SFRP1: variants seen among roughly 807,000 people sequenced by gnomAD.
SFRP1 encodes the protein secreted frizzled-related protein 1.
In SFRP1, 9 loss-of-function variants were observed where a neutral mutation model predicts 25.9. That is an observed-to-expected ratio of 0.35 (90% confidence interval 0.21 to 0.61). The LOEUF (loss-of-function observed/expected upper bound fraction) is 0.61, where lower values mean the gene tolerates loss of function less well. Among genes scored for constraint, SFRP1 ranks in the 20% least tolerant of loss-of-function variants. SFRP1 has a pLI of 0.78. For missense variants in SFRP1, 346 were observed against 418.2 expected, an observed-to-expected ratio of 0.83 and a Z score of 1.51; for synonymous variants, 178 against 174.0, an observed-to-expected ratio of 1.02 and a Z score of -0.18.
intron 2 of SFRP1, among the ~76,000 whole-genome samples, chr8:41,288,282 A>G (rs1380505675): frequency 6.6e-6 from 1 of 152,060 alleles, no homozygotes; most frequent in African/African-American, 2.4e-5. Context: ...ACTTGAACCC[A>G]GGAGGCAGAG....
chr8:41,284,488 C>T lies in SFRP1; in HGVS notation c.622+18973G>A, dbSNP rs1024142442. ...CTGGTGGCTCTGTGATGGCTGAGAG[C>T]GTCAGCAGGGACCCTCAGTCTGGCA... On this transcript the variant is annotated intron_variant, in intron 2 of 2. Coordinates refer to ENST00000220772, the MANE Select transcript of SFRP1 (RefSeq NM_003012.5). Among the ~76,000 whole-genome samples, 5 of 151,942 alleles carry T rather than the reference C, an allele frequency of 3.3e-5. No individual in the cohort carries two copies. In the East Asian group the frequency reaches 5.9e-4, roughly 18 times the overall value.
intron 2 of SFRP1, among the ~76,000 whole-genome samples, chr8:41,294,290 G>A (rs1039345538): frequency 5.9e-5 from 9 of 152,162 alleles, no homozygotes; most frequent in Non-Finnish European, 1.3e-4. Flanking sequence ...ATTTCCTTCA[G>A]CCATAAGCCA....
At chr8:41,294,057 C>G (rs918005939) in intron 2 of SFRP1, among the ~76,000 whole-genome samples, 1 of 151,766 alleles carries the variant, frequency 6.6e-6, no homozygotes, top group Non-Finnish European at 1.5e-5. Flanking sequence ...TTAAATGTGT[C>G]GAGGGCAGGA....
chr8:41,282,560 A>G (rs1457299871), intron 2 of SFRP1, among the ~76,000 whole-genome samples: 1 of 152,030 alleles, frequency 6.6e-6, no homozygotes, highest in East Asian at 1.9e-4. Context: ...ATAGAAAAAA[A>G]TAAATAAATA....
At chr8:41,301,973 A>G (rs1352117631) in intron 2 of SFRP1, among the ~76,000 whole-genome samples, 1 of 152,220 alleles carries the variant, frequency 6.6e-6, no homozygotes, top group African/African-American at 2.4e-5. Context: ...TGCCAGATTC[A>G]AATTCTTTCC....
intron 2 of SFRP1, among the ~76,000 whole-genome samples, chr8:41,284,678 G>C (rs549009984): frequency 1.1e-4 from 16 of 152,184 alleles, no homozygotes; most frequent in Non-Finnish European, 1.5e-4. Context: ...ACACCTGCTC[G>C]CTCTACAGAG....
In SFRP1 at chr8:41,265,122, T is replaced by TCCCCC; in HGVS notation, c.*44_*45insGGGGG. Reference sequence around the variant, plus strand: ...GTTCCCGGGGCACTGTCCCCCCCGCTCCCACCCCACCCGAGGCTCCCTCCC... The same window carrying TCCCCC: ...GTTCCCGGGGCACTGTCCCCCCCGCTCCCCCCCCACCCCACCCGAGGCTCCCTCCC... On this transcript the variant is annotated 3_prime_UTR_variant, in exon 3 of 3. Coordinates refer to ENST00000220772, the MANE Select transcript of SFRP1 (RefSeq NM_003012.5). 6 of 191,092 alleles carry TCCCCC rather than the reference T, an allele frequency of 3.1e-5. No individual in the cohort carries two copies. Among genetic ancestry groups the TCCCCC allele is most frequent in the South Asian group, 9.7e-5 (1 of 10,318 alleles). The allele number at this position is 191,092 out of a possible 1,614,324, so 11.8% of individuals were successfully genotyped here. A position where few individuals can be genotyped will look rare whatever the true frequency, so the allele number is the denominator to read the frequency against.
At chr8:41,277,087 T>C (rs980015058) in intron 2 of SFRP1, 26 of 453,694 alleles carry the variant, frequency 5.7e-5, no homozygotes, top group Non-Finnish European at 1.1e-4. Flanking sequence ...AGCAAAGTGC[T>C]GCCTGGTGTG....
chr8:41,263,420 C>T lies in SFRP1; in HGVS notation c.*1747G>A, dbSNP rs1019037024. On this transcript the variant is annotated 3_prime_UTR_variant, in exon 3 of 3. Coordinates refer to ENST00000220772, the MANE Select transcript of SFRP1 (RefSeq NM_003012.5). ...AGGTTAATTTATCAGGATAACTCTC[C>T]GGTAGGTAACTAGGCGGGCATGCTG... is the stretch of plus-strand genomic sequence containing the variant. 6.6e-6 allele frequency: 1 copy of T among 152,166 alleles called. No homozygotes were observed. 9.4% of individuals were successfully genotyped at this position (152,166 alleles called of 1,614,324 possible). A position where few individuals can be genotyped will look rare whatever the true frequency, so the allele number is the denominator to read the frequency against.
At chr8:41,285,252 C>T (rs971617986) in intron 2 of SFRP1, among the ~76,000 whole-genome samples, 1 of 152,062 alleles carries the variant, frequency 6.6e-6, no homozygotes, top group Non-Finnish European at 1.5e-5. Flanking sequence ...GCCCCTCAGC[C>T]GTCAGCATCT....
intron 2 of SFRP1, among the ~76,000 whole-genome samples, chr8:41,268,636 A>G (rs1803464873): frequency 6.6e-6 from 1 of 152,206 alleles, no homozygotes; most frequent in Non-Finnish European, 1.5e-5. Context: ...ACGTATGGCC[A>G]GAAATTACTA....
At chr8:41,270,879 A>G (rs905851884) in intron 2 of SFRP1, among the ~76,000 whole-genome samples, 1 of 152,038 alleles carries the variant, frequency 6.6e-6, no homozygotes, top group Admixed American at 6.6e-5. Flanking sequence ...CTGAACCTGC[A>G]CACAGCCTGC....
At position 41,264,926 on chromosome 8, in the gene SFRP1, G is replaced by A. The variant is rs549390249; in HGVS notation, c.*241C>T. The A allele has an allele frequency of 1.1e-4, 52 of 474,812 alleles. No individual in the cohort carries two copies. Among genetic ancestry groups the A allele is most frequent in the South Asian group, 5.8e-4 (15 of 26,014 alleles). 29.4% of individuals were successfully genotyped at this position (474,812 alleles called of 1,614,324 possible). A position where few individuals can be genotyped will look rare whatever the true frequency, so the allele number is the denominator to read the frequency against. ...TGCAGTGGCTGCTGCTCCACATTGC[G>A]GATCTTAAAAACCTTCCTAATCTAA... On this transcript the variant is annotated 3_prime_UTR_variant, in exon 3 of 3. Transcript: ENST00000220772.
intron 2 of SFRP1, among the ~76,000 whole-genome samples, chr8:41,270,250 G>A (rs1011302224): frequency 2.0e-5 from 3 of 152,196 alleles, no homozygotes; most frequent in South Asian, 2.1e-4. Flanking sequence ...GACTGAGCCC[G>A]TGCAATCATT....
rs1389865331 is a variant in SFRP1 at position 41,290,560 on chromosome 8, G to A, written c.622+12901C>T. Among the ~76,000 whole-genome samples, 5 of 152,260 alleles carry A rather than the reference G, an allele frequency of 3.3e-5. No individual in the cohort carries two copies. The South Asian group carries it at 6.2e-4, about 19-fold the overall frequency. On this transcript the variant is annotated intron_variant, in intron 2 of 2. Transcript: ENST00000220772. ...GAGCTGATTACAGGCTCTGGCTCCCGCTCTGCACACGCAGAACACAGGTGT... is the reference window on the plus strand; with the variant it reads ...GAGCTGATTACAGGCTCTGGCTCCCACTCTGCACACGCAGAACACAGGTGT...
intron 2 of SFRP1, among the ~76,000 whole-genome samples, chr8:41,301,715 G>A (rs1803918889): frequency 6.6e-6 from 1 of 152,202 alleles, no homozygotes; most frequent in African/African-American, 2.4e-5. Flanking sequence ...AGGTCCAGGA[G>A]GAACCCAAAA....
chr8:41,291,014 C>T (rs914396020), intron 2 of SFRP1, among the ~76,000 whole-genome samples: 1 of 146,604 alleles, frequency 6.8e-6, no homozygotes, highest in African/African-American at 2.5e-5. Context: ...TCACACCTTT[C>T]TCCTGCCTCA....
chr8:41,307,694 TTATATC>T (rs887714491), intron 1 of SFRP1, among the ~76,000 whole-genome samples: 13 of 152,208 alleles, frequency 8.5e-5, no homozygotes, highest in African/African-American at 3.1e-4. Flanking sequence ...TATTTTATCT[TTATATC>T]TATTTCATTT....
chr8:41,274,238 AAC>A (rs1372857862), intron 2 of SFRP1, among the ~76,000 whole-genome samples: 1 of 152,210 alleles, frequency 6.6e-6, no homozygotes, highest in Non-Finnish European at 1.5e-5. Flanking sequence ...AACCCTGTCT[AAC>A]AAAAAAGCCT....
Sources: allele counts gnomAD v4.1 joint callset (sites outside exome capture counted in the v4.1 genomes callset), GRCh38; gene constraint gnomAD v4.1.1; transcripts MANE v1.5; gene names NCBI Gene and HGNC (gene_info 2026-07-23, HGNC 2026-07-21).